The following LAD1 variants were observed in gnomAD, a reference collection of about 807,000 sequenced individuals.
The protein encoded by LAD1 is ladinin-1.
In LAD1, 53 loss-of-function variants were observed where a neutral mutation model predicts 54.2. The ratio of observed to expected loss-of-function variants is 0.98; its 90% CI spans 0.78 to 1.23. LAD1 has a LOEUF of 1.23. LAD1 is among the 50% of genes most tolerant of loss of function. LAD1 has a pLI of 0.00. For synonymous variants in LAD1, 231 were observed against 257.7 expected, an observed-to-expected ratio of 0.90 and a Z score of 0.99; for missense variants, 637 against 653.3, an observed-to-expected ratio of 0.98 and a Z score of 0.27.
chr1:201,389,562 T>C lies in LAD1; in HGVS notation c.39-259A>G, dbSNP rs560394849. Among the ~76,000 whole-genome samples the C allele has an allele frequency of 1.2e-3, 185 of 152,074 alleles. 1 individual carries two copies. The highest frequency in any genetic ancestry group is 4.3e-3 in the African/African-American group (179 of 41,448). ...GCGCGGTCGCTCATGCCTATGATCCTAGCACTTTAGGAGGCTGAGACACGC... is the reference window on the plus strand; with the variant it reads ...GCGCGGTCGCTCATGCCTATGATCCCAGCACTTTAGGAGGCTGAGACACGC... On this transcript the variant is annotated intron_variant, in intron 1 of 9. Transcript: ENST00000391967.
intron 5 of LAD1, 72 bp from the exon 6 acceptor site, chr1:201,383,461 G>A (rs569284537): frequency 9.8e-5 from 133 of 1,362,176 alleles, no homozygotes; most frequent in Middle Eastern, 9.0e-4. Flanking sequence ...CCCAGGGCCT[G>A]AGGAGCAGCC....
At chr1:201,384,983 A>G (rs1662045067) in intron 4 of LAD1, 148 bp from the exon 5 acceptor site, 2 of 706,314 alleles carry the variant, frequency 2.8e-6, no homozygotes, top group Non-Finnish European at 4.9e-6. Flanking sequence ...CCAAAGAAAT[A>G]TGTGGACAAG....
Position 201,389,261 on chromosome 1 carries a change from C to A in LAD1, c.81G>T (p.Glu27Asp). Residue 27 changes from glutamate (E) to aspartate (D), a missense_variant, in exon 2 of 10, where the codon GAG becomes GAT. Transcript: ENST00000391967. Reference protein sequence around the residue: ...QRTLEDEEEQERERRRRHRNL... With the variant: ...QRTLEDEEEQDRERRRRHRNL... Reference sequence around the variant, plus strand: ...TGCGGTGCCGCCGCCTGCGCTCGCGCTCCTGTTCCTCCTCATCCTCCAGAG... The same window carrying A: ...TGCGGTGCCGCCGCCTGCGCTCGCGATCCTGTTCCTCCTCATCCTCCAGAG... 6.2e-7 allele frequency: 1 copy of A among 1,613,958 alleles called. No individual in the cohort carries two copies. Among genetic ancestry groups the A allele is most frequent in the Non-Finnish European group, 8.5e-7 (1 of 1,179,996 alleles).
chr1:201,395,397 G>C (rs909791193), intron 1 of LAD1, among the ~76,000 whole-genome samples: 2 of 152,186 alleles, frequency 1.3e-5, no homozygotes, highest in African/African-American at 4.8e-5. Flanking sequence ...GGGGAAGTGA[G>C]CACACTAACG....
At position 201,383,326 on chromosome 1, in the gene LAD1, CG is replaced by C. The variant is rs775214951; in HGVS notation, c.1238del (p.Thr413ArgfsTer26). On this transcript the variant is annotated frameshift_variant, in exon 6 of 10. Coordinates refer to ENST00000391967, the MANE Select transcript of LAD1 (RefSeq NM_005558.4). LOFTEE classifies it high-confidence loss of function. ...KLGEKLERYH[T>X]AIRRSESVKS... ...AGAAGCCCCCACCCACCCGTATGGC[CG>C]TGTGGTATCTCTCCAGCTTCTCTCC... 6.2e-7 allele frequency: 1 copy of C among 1,614,020 alleles called. No individual in the cohort carries two copies. The highest frequency in any genetic ancestry group is 1.1e-5 in the South Asian group (1 of 91,082).
intron 9 of LAD1, 150 bp from the exon 10 acceptor site, chr1:201,382,043 C>T: frequency 1.1e-6 from 1 of 908,826 alleles, no homozygotes; most frequent in South Asian, 1.6e-5. Flanking sequence ...GAGGGAGGGG[C>T]TCTGCAGAGC....
At chr1:201,397,125 A>C (rs1662304418) in intron 1 of LAD1, 1 of 152,382 alleles carries the variant, frequency 6.6e-6, no homozygotes, top group Non-Finnish European at 1.5e-5. Flanking sequence ...GCTGGCCCCC[A>C]GCTACCCACC....
intron 1 of LAD1, among the ~76,000 whole-genome samples, chr1:201,394,018 T>G (rs984313000): frequency 2.0e-5 from 3 of 152,058 alleles, no homozygotes; most frequent in Non-Finnish European, 4.4e-5. Flanking sequence ...TGAGACCAGC[T>G]TGGGCAACAA....
At chr1:201,385,277 A>T (rs1662050612) in intron 4 of LAD1, among the ~76,000 whole-genome samples, 1 of 152,240 alleles carries the variant, frequency 6.6e-6, no homozygotes, top group Non-Finnish European at 1.5e-5. Context: ...AGATTTCCCC[A>T]ATCCACATAG....
At chr1:201,386,055 G>T (rs1017282006) in intron 3 of LAD1, among the ~76,000 whole-genome samples, 1 of 152,190 alleles carries the variant, frequency 6.6e-6, no homozygotes, top group Admixed American at 6.5e-5. Context: ...AGTCTGCCGG[G>T]GTCCTGGAGC....
chr1:201,381,573 CAG>C lies in LAD1; in HGVS notation c.*313_*314del, dbSNP rs1661960035. ...GACTGTGGATGTGAGCAGGAAGGAG[CAG>C]AGGTCTCTGGGCAGGACATAGGCCC... On this transcript the variant is annotated 3_prime_UTR_variant, in exon 10 of 10. Transcript: ENST00000391967. The C allele has an allele frequency of 2.2e-6, 1 of 460,418 alleles. No homozygotes were observed. The highest frequency in any genetic ancestry group is 4.0e-6 in the Non-Finnish European group (1 of 250,884). The allele number at this position is 460,418 out of a possible 1,614,324, so 28.5% of individuals were successfully genotyped here. A position where few individuals can be genotyped will look rare whatever the true frequency, so the allele number is the denominator to read the frequency against.
chr1:201,389,358 A>T (rs928568857), intron 1 of LAD1, 55 bp from the exon 2 acceptor site: 1 of 1,576,456 alleles, frequency 6.3e-7, no homozygotes, highest in Non-Finnish European at 8.6e-7. Flanking sequence ...GACCCTCCCG[A>T]GGCAGGCTCC....
chr1:201,395,656 A>G (rs1558274228), intron 1 of LAD1, among the ~76,000 whole-genome samples: 1 of 151,950 alleles, frequency 6.6e-6, no homozygotes, highest in Non-Finnish European at 1.5e-5. Flanking sequence ...TACTCAGGAG[A>G]CTGAGGCATG....
chr1:201,382,435 G>T, intron 8 of LAD1, 109 bp from the exon 9 acceptor site: 1 of 968,648 alleles, frequency 1.0e-6, no homozygotes, highest in Non-Finnish European at 1.6e-6. Flanking sequence ...CTTCCCAAAA[G>T]AGAAAAGGAA....
intron 1 of LAD1, among the ~76,000 whole-genome samples, chr1:201,392,858 T>C (rs1395789136): frequency 6.6e-6 from 1 of 150,830 alleles, no homozygotes; most frequent in Non-Finnish European, 1.5e-5. Flanking sequence ...GCACCTGCAA[T>C]CCCATAGGCG....
chr1:201,383,495 C>A, intron 5 of LAD1, 106 bp from the exon 6 acceptor site: 2 of 1,071,780 alleles, frequency 1.9e-6, no homozygotes, highest in South Asian at 1.3e-5. Flanking sequence ...TCATTGTGGC[C>A]AAGAGAATGT....
At chr1:201,383,606 G>C (rs1662014512) in intron 5 of LAD1, 2 of 598,146 alleles carry the variant, frequency 3.3e-6, no homozygotes, top group Non-Finnish European at 6.0e-6. Context: ...CCATTCAATA[G>C]GACATCCCTT....
chr1:201,387,724 G>A (rs1015177017), intron 2 of LAD1, among the ~76,000 whole-genome samples: 1 of 152,130 alleles, frequency 6.6e-6, no homozygotes, highest in Admixed American at 6.5e-5. Context: ...TCTGCTGCCG[G>A]GCAAGGCTGG....
intron 2 of LAD1, among the ~76,000 whole-genome samples, chr1:201,388,957 T>C (rs926806995): frequency 6.6e-6 from 1 of 152,216 alleles, no homozygotes; most frequent in African/African-American, 2.4e-5. Flanking sequence ...ATGGATGGTC[T>C]ACAAATAGTA....
Sources: gnomAD v4.1 joint callset for allele counts (sites outside exome capture counted in the v4.1 genomes callset) on GRCh38, gnomAD v4.1.1 for gene constraint, MANE v1.5 for transcripts, NCBI Gene and HGNC (gene_info 2026-07-23, HGNC 2026-07-21) for gene names.